The following HCN1 variants were observed in gnomAD, a reference collection of about 807,000 sequenced individuals.
HCN1 encodes the protein potassium/sodium hyperpolarization-activated cyclic nucleotide-gated channel 1.
A neutral mutation model predicts 78.9 loss-of-function variants in HCN1; 13 were observed. The observed-to-expected ratio is 0.16, with a 90% confidence interval of 0.11 to 0.26. The LOEUF (loss-of-function observed/expected upper bound fraction) is 0.26. HCN1 is among the 10% of genes least tolerant of loss of function. HCN1 has a pLI of 1.00. For synonymous variants in HCN1, 552 were observed against 455.5 expected (o/e 1.21, Z -2.70); for missense variants, 810 against 1,154.3 (o/e 0.70, Z 4.32).
At chr5:45,350,646 CT>C (rs1203491905) in intron 5 of HCN1, among the ~76,000 whole-genome samples, 1 of 151,014 alleles carries the variant, frequency 6.6e-6, no homozygotes, top group Non-Finnish European at 1.5e-5. Context: ...AGCCCAAAAT[CT>C]CCTTAAGCTG....
chr5:45,651,556 C>G (rs908149979), intron 1 of HCN1, among the ~76,000 whole-genome samples: 2 of 151,962 alleles, frequency 1.3e-5, no homozygotes, highest in African/African-American at 4.8e-5. Context: ...CAATAGTCCT[C>G]AAAATCATGT....
chr5:45,372,610 A>G (rs912627885), intron 4 of HCN1, among the ~76,000 whole-genome samples: 12 of 114,642 alleles, frequency 1.0e-4, no homozygotes, highest in Non-Finnish European at 1.8e-4. Context: ...TATATAAAAC[A>G]TTTTATATAA....
At chr5:45,294,292 T>A (rs561084301) in intron 6 of HCN1, among the ~76,000 whole-genome samples, 87 of 152,160 alleles carry the variant, frequency 5.7e-4, no homozygotes, top group African/African-American at 1.9e-3. Context: ...TGCCCAAATG[T>A]ATTTTGGTCA....
At position 45,656,915 on chromosome 5, in the gene HCN1, TC is replaced by T. The variant is rs547235434; in HGVS notation, c.426-11308del. Among the ~76,000 whole-genome samples the T allele has an allele frequency of 1.8e-3, 271 of 152,170 alleles. 1 individual carries two copies. The highest frequency in any genetic ancestry group is 6.3e-3 in the African/African-American group (261 of 41,512). On this transcript the variant is annotated intron_variant, in intron 1 of 7. Coordinates refer to ENST00000303230, the MANE Select transcript of HCN1 (RefSeq NM_021072.4). ...TACAGGGATAAATAAGAATGCCATT[TC>T]TATCTAGTATATGTTCTTTTCCCTA...
At chr5:45,605,110 A>C (rs1168327886) in intron 2 of HCN1, among the ~76,000 whole-genome samples, 1 of 151,976 alleles carries the variant, frequency 6.6e-6, no homozygotes, top group Non-Finnish European at 1.5e-5. Context: ...ATATAACCTA[A>C]ATCAAACAGG....
intron 5 of HCN1, among the ~76,000 whole-genome samples, chr5:45,337,295 G>T (rs1746481714): frequency 1.3e-5 from 2 of 152,040 alleles, no homozygotes; most frequent in Non-Finnish European, 1.5e-5. Context: ...GTCATACAGT[G>T]CATATACCAA....
intron 2 of HCN1, among the ~76,000 whole-genome samples, chr5:45,597,576 A>C (rs1438620022): frequency 1.3e-5 from 2 of 152,186 alleles, no homozygotes; most frequent in African/African-American, 4.8e-5. Flanking sequence ...CAGGGCAATC[A>C]GGCAAGAGAA....
intron 1 of HCN1, among the ~76,000 whole-genome samples, chr5:45,653,495 T>A (rs1009839979): frequency 6.6e-6 from 1 of 152,152 alleles, no homozygotes; most frequent in Admixed American, 6.6e-5. Context: ...ATCATCTTTA[T>A]ACTTAAATTG....
At chr5:45,603,471 T>C (rs1184396062) in intron 2 of HCN1, among the ~76,000 whole-genome samples, 1 of 152,074 alleles carries the variant, frequency 6.6e-6, no homozygotes, top group Admixed American at 6.6e-5. Flanking sequence ...TACAGATGAA[T>C]ATTGGATGAA....
intron 3 of HCN1, among the ~76,000 whole-genome samples, chr5:45,426,764 T>G (rs936224128): frequency 2.0e-5 from 3 of 152,152 alleles, no homozygotes; most frequent in African/African-American, 2.4e-5. Flanking sequence ...TCATATGAAA[T>G]CTGAGAATGT....
At position 45,599,341 on chromosome 5, in the gene HCN1, T is replaced by C. The variant is rs1257074798; in HGVS notation, c.849+45844A>G. 2.8e-5 allele frequency among the ~76,000 whole-genome samples: 4 copies of C among 142,476 alleles called. No homozygotes were observed. In the Admixed American group the frequency reaches 3.0e-4, roughly 11 times the overall value. 93.5% of individuals were successfully genotyped at this position (142,476 alleles called of 152,430 possible). On this transcript the variant is annotated intron_variant, in intron 2 of 7. Coordinates refer to ENST00000303230, the MANE Select transcript of HCN1 (RefSeq NM_021072.4). Reference sequence around the variant, plus strand: ...GCCAAACACCACATGTTCTCACTCATGGGTGGGAATTGAACAATAAGAACA... The same window carrying C: ...GCCAAACACCACATGTTCTCACTCACGGGTGGGAATTGAACAATAAGAACA...
At chr5:45,505,665 G>A (rs1561181220) in intron 2 of HCN1, among the ~76,000 whole-genome samples, 1 of 152,066 alleles carries the variant, frequency 6.6e-6, no homozygotes, top group South Asian at 2.1e-4. Flanking sequence ...TTAAAATCTG[G>A]ATGCATATAT....
chr5:45,376,948 A>G (rs1747693733), intron 4 of HCN1, among the ~76,000 whole-genome samples: 1 of 151,996 alleles, frequency 6.6e-6, no homozygotes. Context: ...AGAAGAGTGC[A>G]ACCAGGTGTT....
Position 45,332,095 on chromosome 5 carries a change from CTT to C in HCN1, c.1377+21003_1377+21004del, listed in dbSNP as rs368595859. 1.9e-3 allele frequency among the ~76,000 whole-genome samples: 292 copies of C among 151,552 alleles called. 2 individuals are homozygous for C. The highest frequency in any genetic ancestry group is 6.8e-3 in the African/African-American group (283 of 41,468). On this transcript the variant is annotated intron_variant, in intron 5 of 7. Coordinates refer to ENST00000303230, the MANE Select transcript of HCN1 (RefSeq NM_021072.4). ...TTTAAACTCTGGAAAACAGTATTGT[CTT>C]TTTAAAATTTCTATTTAGCTCAGTG...
chr5:45,262,749 G>A lies in HCN1; in HGVS notation c.1845C>T (p.Asn615=). ...FQKDLNTGVF[N]NQENEILKQI... is the part of the protein sequence containing the mutation. ...GCTTGAGGATTTCGTTCTCCTGATTGTTGAAAACACCAGTGTTCAGATCCT... is the reference window on the plus strand; with the variant it reads ...GCTTGAGGATTTCGTTCTCCTGATTATTGAAAACACCAGTGTTCAGATCCT... Residue 615 remains asparagine, a synonymous_variant, in exon 8 of 8, where the codon AAC becomes AAT. Coordinates refer to ENST00000303230, the MANE Select transcript of HCN1 (RefSeq NM_021072.4). 1 of 1,614,130 alleles carries A rather than the reference G, an allele frequency of 6.2e-7. No individual in the cohort carries two copies. The highest frequency in any genetic ancestry group is 1.1e-5 in the South Asian group (1 of 91,082).
At chr5:45,376,216 CATT>C (rs1410994416) in intron 4 of HCN1, among the ~76,000 whole-genome samples, 2 of 4,810 alleles carry the variant, frequency 4.2e-4, no homozygotes, top group African/African-American at 2.1e-3. Context: ...ATATATAATA[CATT>C]ATATATAATA....
At chr5:45,446,253 G>A (rs865870479) in intron 3 of HCN1, among the ~76,000 whole-genome samples, 1 of 152,328 alleles carries the variant, frequency 6.6e-6, no homozygotes, top group East Asian at 1.9e-4. Flanking sequence ...AGAAGCCTCA[G>A]GAGCCAATGC....
In HCN1 at chr5:45,293,237, C is replaced by T. The variant is rs112933401; in HGVS notation, c.1618+10362G>A. On this transcript the variant is annotated intron_variant, in intron 6 of 7. Transcript: ENST00000303230. ...CAACAGTGTAAAACTGTTCCTTCTTCTCCACAACCTCACCAGTATCTATAA... is the reference window on the plus strand; with the variant it reads ...CAACAGTGTAAAACTGTTCCTTCTTTTCCACAACCTCACCAGTATCTATAA... Among the ~76,000 whole-genome samples the T allele has an allele frequency of 4.6e-5, 7 of 152,164 alleles. 1 individual carries two copies. The highest frequency in any genetic ancestry group is 1.7e-4 in the African/African-American group (7 of 41,562).
At chr5:45,449,892 C>T (rs986935514) in intron 3 of HCN1, among the ~76,000 whole-genome samples, 3 of 152,038 alleles carry the variant, frequency 2.0e-5, no homozygotes, top group Non-Finnish European at 1.5e-5. Context: ...GGCTGGAGTG[C>T]GGTGATCTCG....
Sources: allele counts gnomAD v4.1 joint callset (sites outside exome capture counted in the v4.1 genomes callset), GRCh38; gene constraint gnomAD v4.1.1; transcripts MANE v1.5; gene names NCBI Gene and HGNC (gene_info 2026-07-23, HGNC 2026-07-21).